The following RELN variants were observed in gnomAD, a reference collection of about 807,000 sequenced individuals.
The protein encoded by RELN is reelin.
In RELN, 108 loss-of-function variants were observed where a neutral mutation model predicts 427.6. That is an observed-to-expected ratio of 0.25 (90% CI 0.22 to 0.30). The LOEUF is 0.30. RELN is among the 10% of genes least tolerant of loss of function. The pLI is 1.00. For synonymous variants in RELN, 1,524 were observed against 1,513.4 expected (o/e 1.01, Z -0.16); for missense variants, 3,715 against 4,302.8 (o/e 0.86, Z 3.82).
rs114494558 is a variant in RELN, at chr7:103,698,090, G to A, written c.906C>T (p.Ala302=). 754 of 1,613,654 alleles carry A rather than the reference G, an allele frequency of 4.7e-4. No individual in the cohort carries two copies. In the African/African-American group the frequency reaches 9.2e-3, roughly 20 times the overall value. ...ADWIQLEKIR[A]PSNVSTIIHI... ...GGATGATTGTGCTGACATTGGAAGG[G>A]GCTCTGGAACATACAGAGAGATGGC... The change falls in exon 10 of 65, where the codon GCC becomes GCT. Residue 302 remains alanine, a synonymous_variant. Transcript: ENST00000428762.
chr7:103,648,277 G>C (rs980170847), intron 16 of RELN, among the ~76,000 whole-genome samples: 6 of 151,874 alleles, frequency 4.0e-5, no homozygotes, highest in African/African-American at 1.5e-4. Flanking sequence ...AAAGTATATA[G>C]CACCTCCCCC....
At position 103,472,593 on chromosome 7, in the gene RELN, G is replaced by A. The variant is rs888515238; in HGVS notation, c.*219C>T. On this transcript the variant is annotated 3_prime_UTR_variant, in exon 65 of 65. Transcript: ENST00000428762. The stretch of plus-strand genomic sequence containing the variant: ...TATTACAACAGATCACAACTTTCAC[G>A]GACACATCAACATGAAGACATTTAC... 8 of 534,692 alleles carry A rather than the reference G, an allele frequency of 1.5e-5. No homozygotes were observed. The highest frequency in any genetic ancestry group is 7.6e-5 in the African/African-American group (4 of 52,392). The allele number at this position is 534,692 out of a possible 1,614,324, so 33.1% of individuals were successfully genotyped here. A position where few individuals can be genotyped will look rare whatever the true frequency, so the allele number is the denominator to read the frequency against.
chr7:103,936,285 G>A (rs751618416), intron 1 of RELN, among the ~76,000 whole-genome samples: 23 of 152,008 alleles, frequency 1.5e-4, no homozygotes, highest in African/African-American at 3.4e-4. Context: ...TAGAGATGGC[G>A]TTTCAACATG....
At chr7:103,924,708 A>T (rs762739353) in intron 1 of RELN, among the ~76,000 whole-genome samples, 17 of 152,114 alleles carry the variant, frequency 1.1e-4, no homozygotes, top group Non-Finnish European at 1.6e-4. Context: ...CGTAGCCTCT[A>T]AGTCTTATTT....
intron 3 of RELN, among the ~76,000 whole-genome samples, chr7:103,822,185 A>G (rs992501755): frequency 8.6e-5 from 13 of 152,008 alleles, no homozygotes; most frequent in Non-Finnish European, 1.8e-4. Context: ...TTGTGATGAC[A>G]AAGTTTTACA....
At chr7:103,837,424 G>A (rs934106963) in intron 2 of RELN, among the ~76,000 whole-genome samples, 1 of 152,124 alleles carries the variant, frequency 6.6e-6, no homozygotes, top group Non-Finnish European at 1.5e-5. Context: ...AAGCACTAGT[G>A]GCTGAGCCAC....
chr7:103,947,301 T>A (rs1796240755), intron 1 of RELN, among the ~76,000 whole-genome samples: 1 of 152,158 alleles, frequency 6.6e-6, no homozygotes, highest in African/African-American at 2.4e-5. Context: ...AAGTAATCAT[T>A]TGCTTAAGTC....
Position 103,594,376 on chromosome 7 carries a change from A to C in RELN, c.3656T>G (p.Ile1219Ser). The change falls in exon 26 of 65, where the codon ATT (isoleucine) becomes AGT (serine). Residue 1219 changes from isoleucine (I) to serine (S), a missense_variant. Physicochemically the swap from Ile to Ser is moderately radical, Grantham distance 142. Around this residue, in one of 4 missense-constraint regions of RELN, gnomAD observed 2,208 missense variants for 2,361.7 expected, o/e 0.93. Transcript: ENST00000428762. ...YDQWAVDDII[I>S]LSEKQKQIIP... Reference sequence around the variant, plus strand: ...GATCTGCTTCTGCTTCTCGGACAGAATGATGATGTCATCGACTGCCCACTG... The same window carrying C: ...GATCTGCTTCTGCTTCTCGGACAGACTGATGATGTCATCGACTGCCCACTG... 4 of 1,614,034 alleles carry C rather than the reference A, an allele frequency of 2.5e-6. No individual in the cohort carries two copies. Among genetic ancestry groups the C allele is most frequent in the Non-Finnish European group, 3.4e-6 (4 of 1,179,922 alleles).
At chr7:103,587,207 T>C (rs995927645) in intron 28 of RELN, among the ~76,000 whole-genome samples, 2 of 152,018 alleles carry the variant, frequency 1.3e-5, no homozygotes, top group Non-Finnish European at 1.5e-5. Context: ...ACAGAATAGA[T>C]AATCCAGAAA....
intron 1 of RELN, among the ~76,000 whole-genome samples, chr7:103,972,193 T>C (rs892573548): frequency 6.6e-6 from 1 of 152,242 alleles, no homozygotes; most frequent in Non-Finnish European, 1.5e-5. Flanking sequence ...TATACTGTAA[T>C]ACTAAACAAA....
chr7:103,849,539 C>A (rs1793766633), intron 2 of RELN, among the ~76,000 whole-genome samples: 1 of 152,146 alleles, frequency 6.6e-6, no homozygotes, highest in Non-Finnish European at 1.5e-5. Flanking sequence ...CAATGTGACA[C>A]CCTGCGTATC....
At chr7:103,582,081 A>T (rs1012844297) in intron 28 of RELN, among the ~76,000 whole-genome samples, 15 of 152,358 alleles carry the variant, frequency 9.8e-5, no homozygotes, top group Admixed American at 9.8e-4. Context: ...TTTTCTTTTA[A>T]AAAGTAATTT....
intron 2 of RELN, among the ~76,000 whole-genome samples, chr7:103,859,032 T>C (rs905544521): frequency 6.6e-6 from 1 of 152,224 alleles, no homozygotes; most frequent in African/African-American, 2.4e-5. Flanking sequence ...GAACAGTCAT[T>C]GGAGAATGTA....
At chr7:103,842,432 C>A (rs1470083073) in intron 2 of RELN, among the ~76,000 whole-genome samples, 1 of 152,122 alleles carries the variant, frequency 6.6e-6, no homozygotes, top group Non-Finnish European at 1.5e-5. Flanking sequence ...TATTTTCTTT[C>A]TTTCCTAGGT....
intron 36 of RELN, 77 bp from the exon 37 acceptor site, chr7:103,558,126 C>A: frequency 1.4e-6 from 1 of 738,628 alleles, no homozygotes; most frequent in Middle Eastern, 2.5e-4. Flanking sequence ...ATACACCTAA[C>A]TTGCATTAGC....
At chr7:103,727,189 G>T (rs976535840) in intron 7 of RELN, among the ~76,000 whole-genome samples, 1 of 152,062 alleles carries the variant, frequency 6.6e-6, no homozygotes, top group African/African-American at 2.4e-5. Flanking sequence ...AACTTTTAAA[G>T]TTAATGATTT....
chr7:103,501,505 G>A (rs1364474979), intron 52 of RELN, among the ~76,000 whole-genome samples: 1 of 152,042 alleles, frequency 6.6e-6, no homozygotes, highest in African/African-American at 2.4e-5. Flanking sequence ...TCTGTCTTCT[G>A]GGGGAAAAAA....
intron 4 of RELN, among the ~76,000 whole-genome samples, chr7:103,765,973 G>A (rs1363829204): frequency 1.3e-5 from 2 of 152,186 alleles, no homozygotes; most frequent in Non-Finnish European, 2.9e-5. Flanking sequence ...CCCACCTCCA[G>A]AGTCAGTAGC....
intron 10 of RELN, among the ~76,000 whole-genome samples, chr7:103,685,747 T>G (rs12666897): frequency 0.22 from 33,219 of 151,922 alleles, 3,732 homozygotes; most frequent in Middle Eastern, 0.39. Flanking sequence ...TTTCTCTTTG[T>G]CAATCAAAAA....
Sources: gnomAD v4.1 joint callset for allele counts (sites outside exome capture counted in the v4.1 genomes callset) on GRCh38, gnomAD v4.1.1 for gene constraint, gnomAD v4.1.1 regional missense constraint, MANE v1.5 for transcripts, NCBI Gene and HGNC (gene_info 2026-07-23, HGNC 2026-07-21) for gene names.